The following CDH19 variants were observed in gnomAD, a reference collection of about 807,000 sequenced individuals.
CDH19 encodes cadherin 19, also known as cadherin-19.
Under a neutral mutation model 64.2 loss-of-function variants are expected in CDH19, and 67 were observed. The observed-to-expected ratio is 1.04, with a 90% CI of 0.86 to 1.28. The LOEUF is 1.28. CDH19 is among the 50% of genes most tolerant of loss of function. CDH19 has a pLI of 0.00. For missense variants in CDH19, 1,030 were observed against 929.0 expected (o/e 1.11, Z -1.41); for synonymous variants, 346 against 319.3 (o/e 1.08, Z -0.89).
At position 66,522,640 on chromosome 18, in the gene CDH19, T is replaced by C. The variant is rs536035918; in HGVS notation, c.1458+7205A>G. 3.2e-3 allele frequency among the ~76,000 whole-genome samples: 482 copies of C among 149,700 alleles called. 1 individual carries two copies. Among genetic ancestry groups the C allele is most frequent in the African/African-American group, 0.01 (413 of 39,672 alleles). ...GACTTTTTATCCTTTTTCTTTTAAATATAATATGTTTTATTATATATATTT... is the reference window on the plus strand; with the variant it reads ...GACTTTTTATCCTTTTTCTTTTAAACATAATATGTTTTATTATATATATTT... On this transcript the variant is annotated intron_variant, in intron 9 of 11. Transcript: ENST00000262150.
intron 1 of CDH19, among the ~76,000 whole-genome samples, chr18:66,581,966 C>A (rs1988434336): frequency 6.6e-6 from 1 of 151,996 alleles, no homozygotes; most frequent in Non-Finnish European, 1.5e-5. Context: ...TTTTAAGTGA[C>A]CTGTCCTGTA....
chr18:66,559,053 C>T (rs1987624105), intron 3 of CDH19, among the ~76,000 whole-genome samples: 1 of 151,996 alleles, frequency 6.6e-6, no homozygotes, highest in Admixed American at 6.6e-5. Flanking sequence ...CCGGTCATCC[C>T]ATTTCCTAAA....
At chr18:66,576,514 T>C (rs1988270062) in intron 1 of CDH19, among the ~76,000 whole-genome samples, 1 of 151,516 alleles carries the variant, frequency 6.6e-6, no homozygotes, top group Admixed American at 6.6e-5. Flanking sequence ...TGATAAACAA[T>C]GTCATTTCAT....
chr18:66,525,114 G>T (rs954521823), intron 9 of CDH19, among the ~76,000 whole-genome samples: 1 of 152,010 alleles, frequency 6.6e-6, no homozygotes, highest in African/African-American at 2.4e-5. Flanking sequence ...GTGATTAACT[G>T]TTCCTTATGT....
At chr18:66,512,053 T>C (rs1259034344) in intron 9 of CDH19, among the ~76,000 whole-genome samples, 1 of 151,558 alleles carries the variant, frequency 6.6e-6, no homozygotes, top group Non-Finnish European at 1.5e-5. Flanking sequence ...TGTCAGACAT[T>C]ATGATTTGCT....
At chr18:66,512,615 T>C (rs1985546284) in intron 9 of CDH19, among the ~76,000 whole-genome samples, 1 of 151,548 alleles carries the variant, frequency 6.6e-6, no homozygotes, top group African/African-American at 2.4e-5. Flanking sequence ...ATATTACTTC[T>C]CCACATTGAT....
At chr18:66,551,400 A>G in intron 4 of CDH19, 142 bp from the exon 5 acceptor site, 2 of 586,940 alleles carry the variant, frequency 3.4e-6, no homozygotes, top group Non-Finnish European at 5.9e-6. Context: ...AGAGAAAAAT[A>G]ATAAAAAATA....
In CDH19 at chr18:66,501,417, A is replaced by G. The variant is rs1367687685; in HGVS notation, c.*3395T>C. 6.6e-6 allele frequency: 1 copy of G among 152,210 alleles called. No homozygotes were observed. Among genetic ancestry groups the G allele is most frequent in the Non-Finnish European group, 1.5e-5 (1 of 68,096 alleles). The allele number at this position is 152,210 out of a possible 1,614,324, so 9.4% of individuals were successfully genotyped here. On this transcript the variant is annotated 3_prime_UTR_variant, in exon 12 of 12. Coordinates refer to ENST00000262150, the MANE Select transcript of CDH19 (RefSeq NM_021153.4). ...TCTGAGGAAGTTGCAGCTGATCACC[A>G]ACCTGAATGAAGTGATGTAATGGAA... is the stretch of plus-strand genomic sequence containing the variant.
At chr18:66,560,579 T>C (rs374738835) in intron 3 of CDH19, among the ~76,000 whole-genome samples, 5 of 152,052 alleles carry the variant, frequency 3.3e-5, no homozygotes, top group African/African-American at 1.2e-4. Context: ...TCAGGGCAAA[T>C]ATATGTATAT....
At chr18:66,550,252 A>G (rs774436397) in intron 5 of CDH19, among the ~76,000 whole-genome samples, 2 of 152,188 alleles carry the variant, frequency 1.3e-5, no homozygotes, top group Non-Finnish European at 2.9e-5. Context: ...GCATAAGAAA[A>G]TTTTACGAAG....
chr18:66,533,213 T>TACACACACACAC (rs35376051), intron 8 of CDH19, among the ~76,000 whole-genome samples: 97 of 149,056 alleles, frequency 6.5e-4, no homozygotes, highest in African/African-American at 2.0e-3. Context: ...TAGGATTTAT[T>TACACACACACAC]ACACACACAC....
At position 66,571,954 on chromosome 18, in the gene CDH19, A is replaced by G. The variant is rs565678725; in HGVS notation, c.195+56T>C. The G allele has an allele frequency of 4.5e-6, 6 of 1,320,048 alleles. No individual in the cohort carries two copies. The South Asian group carries it at 8.7e-5, about 19-fold the overall frequency. 81.8% of individuals were successfully genotyped at this position (1,320,048 alleles called of 1,614,324 possible). Reference sequence around the variant, plus strand: ...CTCATCAAATCTCCAAACTTCTCCAACATATTTATTTACATTGTTGTGCTA... The same window carrying G: ...CTCATCAAATCTCCAAACTTCTCCAGCATATTTATTTACATTGTTGTGCTA... On this transcript the variant is annotated intron_variant, in intron 2 of 11. Coordinates refer to ENST00000262150, the MANE Select transcript of CDH19 (RefSeq NM_021153.4).
chr18:66,588,733 T>C (rs1465557242), intron 1 of CDH19, among the ~76,000 whole-genome samples: 2 of 151,146 alleles, frequency 1.3e-5, no homozygotes, highest in Admixed American at 6.6e-5. Context: ...AAATATGTCA[T>C]AGGGACTAAA....
intron 1 of CDH19, among the ~76,000 whole-genome samples, chr18:66,602,769 A>C (rs937240038): frequency 6.6e-6 from 1 of 151,864 alleles, no homozygotes; most frequent in African/African-American, 2.4e-5. Context: ...ATTGTTTAAA[A>C]ATTTTGAATA....
chr18:66,575,529 A>C (rs926196265), intron 1 of CDH19, among the ~76,000 whole-genome samples: 3 of 151,848 alleles, frequency 2.0e-5, no homozygotes, highest in African/African-American at 4.8e-5. Context: ...ATGTTTTCGC[A>C]GTGACTACTG....
rs562615957 is a variant in CDH19, at chr18:66,503,185, T to A, written c.*1627A>T. 6.6e-6 allele frequency: 1 copy of A among 151,828 alleles called. No homozygotes were observed. The highest frequency in any genetic ancestry group is 6.6e-5 in the Admixed American group (1 of 15,210). The allele number at this position is 151,828 out of a possible 1,614,324, so 9.4% of individuals were successfully genotyped here. A position where few individuals can be genotyped will look rare whatever the true frequency, so the allele number is the denominator to read the frequency against. ...ATTTTGAAGTCTACCTTGATTTGGATAGAATAATAAAGATCATTCTTAAAA... is the reference window on the plus strand; with the variant it reads ...ATTTTGAAGTCTACCTTGATTTGGAAAGAATAATAAAGATCATTCTTAAAA... On this transcript the variant is annotated 3_prime_UTR_variant, in exon 12 of 12. Coordinates refer to ENST00000262150, the MANE Select transcript of CDH19 (RefSeq NM_021153.4).
chr18:66,545,209 A>C (rs1025096215), intron 5 of CDH19, among the ~76,000 whole-genome samples: 8 of 151,886 alleles, frequency 5.3e-5, no homozygotes, highest in African/African-American at 1.9e-4. Context: ...CGATCTCCTG[A>C]CCTCATGATC....
chr18:66,547,947 G>A (rs1987190806), intron 5 of CDH19, among the ~76,000 whole-genome samples: 4 of 148,280 alleles, frequency 2.7e-5, no homozygotes, highest in African/African-American at 9.8e-5. Context: ...GATTACAGGC[G>A]TGAGCCACCG....
chr18:66,594,934 A>T (rs919144776), intron 1 of CDH19, among the ~76,000 whole-genome samples: 1 of 151,520 alleles, frequency 6.6e-6, no homozygotes, highest in African/African-American at 2.4e-5. Context: ...GCAGCGCACC[A>T]GCATGGCACA....
Sources: allele counts gnomAD v4.1 joint callset (sites outside exome capture counted in the v4.1 genomes callset), GRCh38; gene constraint gnomAD v4.1.1; transcripts MANE v1.5; gene names NCBI Gene and HGNC (gene_info 2026-07-23, HGNC 2026-07-21).